The following WNT7B variants were observed in gnomAD, a reference collection of about 807,000 sequenced individuals.
WNT7B encodes the protein Wnt family member 7B, also known as protein Wnt-7b.
In WNT7B, 19 loss-of-function variants were observed where a neutral mutation model predicts 38.2. The ratio of observed to expected loss-of-function variants is 0.50; its 90% CI spans 0.35 to 0.73. The LOEUF is 0.73. WNT7B is among the 30% of genes least tolerant of loss of function. The pLI is 0.01. For synonymous variants in WNT7B, 243 were observed against 209.3 expected (o/e 1.16, Z -1.39); for missense variants, 423 against 507.9 (o/e 0.83, Z 1.61).
chr22:45,928,855 A>G (rs1327081643), intron 3 of WNT7B, among the ~76,000 whole-genome samples: 1 of 90,374 alleles, frequency 1.1e-5, no homozygotes, highest in Admixed American at 1.5e-4. Flanking sequence ...GTTTCCCCAT[A>G]CCGCATACCA....
At chr22:45,947,515 G>A (rs1309199160) in intron 2 of WNT7B, among the ~76,000 whole-genome samples, 3 of 152,190 alleles carry the variant, frequency 2.0e-5, no homozygotes, top group Admixed American at 6.5e-5. Context: ...TCAGGCCAGA[G>A]GTTCGCATGG....
At chr22:45,927,623 C>CAGTG (rs1931130896) in intron 3 of WNT7B, 4 of 825,668 alleles carry the variant, frequency 4.8e-6, no homozygotes, top group Non-Finnish European at 8.3e-6. Context: ...GGGCCAGGTG[C>CAGTG]AGTGGCTCAC....
chr22:45,969,282 C>A (rs940669075), intron 1 of WNT7B, among the ~76,000 whole-genome samples: 5 of 152,226 alleles, frequency 3.3e-5, no homozygotes, highest in Admixed American at 3.3e-4. Context: ...CCAGAGCAGG[C>A]GGTCACCATG....
chr22:45,927,466 C>G (rs544058390), intron 3 of WNT7B: 17 of 1,549,770 alleles, frequency 1.1e-5, no homozygotes, highest in Non-Finnish European at 1.3e-5. Context: ...CCCCCAAATT[C>G]ATGTCTGCTC....
intron 2 of WNT7B, among the ~76,000 whole-genome samples, chr22:45,944,894 C>T (rs1194607866): frequency 5.9e-5 from 9 of 152,188 alleles, no homozygotes; most frequent in African/African-American, 2.2e-4. Context: ...CACTGGAGGA[C>T]AGTGTCCTGG....
At chr22:45,949,796 C>T in intron 2 of WNT7B, 124 bp downstream of exon 2, 1 of 955,938 alleles carries the variant, frequency 1.0e-6, no homozygotes, top group Non-Finnish European at 1.5e-6. Flanking sequence ...CACAGGAAGG[C>T]AAAGAAATTG....
intron 1 of WNT7B, among the ~76,000 whole-genome samples, chr22:45,962,355 C>T (rs1353797434): frequency 6.6e-6 from 1 of 152,214 alleles, no homozygotes; most frequent in Non-Finnish European, 1.5e-5. Flanking sequence ...AACCACAGGA[C>T]GCTGACCTCT....
At chr22:45,928,152 G>A (rs555346839) in intron 3 of WNT7B, among the ~76,000 whole-genome samples, 2 of 152,304 alleles carry the variant, frequency 1.3e-5, no homozygotes, top group South Asian at 4.1e-4. Context: ...GCACTTGTCT[G>A]TGGCGGCAGT....
intron 1 of WNT7B, among the ~76,000 whole-genome samples, chr22:45,973,275 G>C (rs1012694986): frequency 2.6e-5 from 4 of 152,216 alleles, no homozygotes; most frequent in African/African-American, 9.7e-5. Context: ...AGAAACATAG[G>C]TCTAGTGTCC....
At chr22:45,945,735 A>G (rs779618831) in intron 2 of WNT7B, among the ~76,000 whole-genome samples, 36 of 152,208 alleles carry the variant, frequency 2.4e-4, no homozygotes, top group Admixed American at 1.2e-3. Context: ...CTGGCCTCTC[A>G]GATACCCCGA....
intron 1 of WNT7B, among the ~76,000 whole-genome samples, chr22:45,974,616 CA>C (rs1178989596): frequency 1.3e-5 from 2 of 152,034 alleles, no homozygotes; most frequent in Admixed American, 1.3e-4. Flanking sequence ...ATTGGCTCAC[CA>C]GGGGGAGGAG....
intron 3 of WNT7B, among the ~76,000 whole-genome samples, chr22:45,928,194 G>A (rs545907807): frequency 5.6e-4 from 86 of 152,258 alleles, no homozygotes; most frequent in East Asian, 2.1e-3. Flanking sequence ...ACTGTGCAGC[G>A]GGGTCCTGAG....
chr22:45,934,526 G>C (rs1460404415), intron 2 of WNT7B, among the ~76,000 whole-genome samples: 1 of 152,182 alleles, frequency 6.6e-6, no homozygotes, highest in Non-Finnish European at 1.5e-5. Context: ...TGTCCCCTCA[G>C]AGGTCCTGGA....
chr22:45,969,875 G>A (rs1040732300), intron 1 of WNT7B, among the ~76,000 whole-genome samples: 1 of 152,174 alleles, frequency 6.6e-6, no homozygotes, highest in African/African-American at 2.4e-5. Context: ...AGATCCAAAG[G>A]CCAATGCCAT....
Position 45,949,909 on chromosome 22 carries a change from G to A in WNT7B, c.298+11C>T, listed in dbSNP as rs752835716. On this transcript the variant is annotated intron_variant, in intron 2 of 3. Coordinates refer to ENST00000339464, the MANE Select transcript of WNT7B (RefSeq NM_058238.3). ...AATGGCTGGGCCCCTTGAGCCCAGAGGCGCCCTTACCTACTCGGAGCTCTT... is the reference window on the plus strand; with the variant it reads ...AATGGCTGGGCCCCTTGAGCCCAGAAGCGCCCTTACCTACTCGGAGCTCTT... 3 of 1,601,652 alleles carry A rather than the reference G, an allele frequency of 1.9e-6. No homozygotes were observed. The highest frequency in any genetic ancestry group is 3.3e-5 in the Admixed American group (2 of 59,808).
chr22:45,926,126 C>T (rs1327323373), intron 3 of WNT7B: 1 of 985,330 alleles, frequency 1.0e-6, no homozygotes, highest in Non-Finnish European at 1.2e-6. Flanking sequence ...GAGCGAGGGG[C>T]CACATCCTCG....
chr22:45,949,254 A>G (rs1002193693), intron 2 of WNT7B, among the ~76,000 whole-genome samples: 4 of 152,162 alleles, frequency 2.6e-5, no homozygotes, highest in Non-Finnish European at 5.9e-5. Context: ...GGCTGTGCAC[A>G]GGCAGCAGGG....
intron 1 of WNT7B, chr22:45,972,116 G>GGGGGGGC: frequency 3.8e-6 from 2 of 530,728 alleles, no homozygotes; most frequent in Non-Finnish European, 6.6e-6. Flanking sequence ...CCCGGGGGGA[G>GGGGGGGC]CCCACCCGCC....
intron 3 of WNT7B, chr22:45,926,487 A>G (rs1931086483): frequency 1.0e-6 from 1 of 985,286 alleles, no homozygotes; most frequent in Non-Finnish European, 1.2e-6. Context: ...AACAGTGCTC[A>G]GTTACAGCCA....
Sources: allele counts gnomAD v4.1 joint callset (sites outside exome capture counted in the v4.1 genomes callset), GRCh38; gene constraint gnomAD v4.1.1; transcripts MANE v1.5; gene names NCBI Gene and HGNC (gene_info 2026-07-23, HGNC 2026-07-21).